SUCO: variants seen among roughly 807,000 people sequenced by gnomAD.
SUCO encodes SUN domain containing ossification factor, also known as SUN domain-containing ossification factor.
A neutral mutation model predicts 148.1 loss-of-function variants in SUCO; 57 were observed. The ratio of observed to expected loss-of-function variants is 0.38; its 90% CI spans 0.31 to 0.48. The LOEUF (loss-of-function observed/expected upper bound fraction) is 0.48, where lower values mean the gene tolerates loss of function less well. Among genes scored for constraint, SUCO ranks in the 20% least tolerant of loss-of-function variants. SUCO has a pLI of 0.96. For synonymous variants in SUCO, 470 were observed against 502.7 expected (o/e 0.93, Z 0.87); for missense variants, 1,331 against 1,468.2 (o/e 0.91, Z 1.53).
intron 19 of SUCO, among the ~76,000 whole-genome samples, chr1:172,592,778 A>G (rs1277800498): frequency 6.6e-6 from 1 of 152,134 alleles, no homozygotes; most frequent in East Asian, 1.9e-4. Flanking sequence ...TTGGTTCCTT[A>G]TGAACTTTAA....
intron 15 of SUCO, among the ~76,000 whole-genome samples, chr1:172,584,592 G>C (rs1156996705): frequency 1.3e-5 from 2 of 152,132 alleles, no homozygotes; most frequent in Non-Finnish European, 2.9e-5. Context: ...GGGCAACACA[G>C]TGAAACCCTG....
At chr1:172,567,738 TG>T (rs1654658238) in intron 6 of SUCO, among the ~76,000 whole-genome samples, 1 of 152,124 alleles carries the variant, frequency 6.6e-6, no homozygotes, top group African/African-American at 2.4e-5. Flanking sequence ...ATACATGGGG[TG>T]TATTTAGGGA....
At position 172,611,389 on chromosome 1, in the gene SUCO, G is replaced by A. The variant is rs968878194; in HGVS notation, c.*1130G>A. 6.6e-6 allele frequency: 1 copy of A among 152,546 alleles called. No individual in the cohort carries two copies. The highest frequency in any genetic ancestry group is 2.4e-5 in the African/African-American group (1 of 41,420). The allele number at this position is 152,546 out of a possible 1,614,324, so 9.4% of individuals were successfully genotyped here. On this transcript the variant is annotated 3_prime_UTR_variant, in exon 24 of 24. Coordinates refer to ENST00000263688, the MANE Select transcript of SUCO (RefSeq NM_014283.5). ...AATAAAATGATTTCTTAGTATGATTGTACAGTAATGAATGAAAGTGGAACA... is the reference window on the plus strand; with the variant it reads ...AATAAAATGATTTCTTAGTATGATTATACAGTAATGAATGAAAGTGGAACA...
chr1:172,562,347 T>C (rs565376091), intron 6 of SUCO, among the ~76,000 whole-genome samples: 21 of 150,392 alleles, frequency 1.4e-4, no homozygotes, highest in Non-Finnish European at 2.7e-4. Context: ...TTTTTTTTTT[T>C]ATTTTGAGAT....
At chr1:172,578,126 T>G (rs1402496055) in intron 13 of SUCO, among the ~76,000 whole-genome samples, 172 bp from the exon 14 acceptor site, 1 of 151,968 alleles carries the variant, frequency 6.6e-6, no homozygotes, top group African/African-American at 2.4e-5. Flanking sequence ...TAGTTTTACA[T>G]TTTAATTGAA....
chr1:172,582,299 T>C (rs1655930868), intron 15 of SUCO, among the ~76,000 whole-genome samples: 1 of 152,164 alleles, frequency 6.6e-6, no homozygotes, highest in Non-Finnish European at 1.5e-5. Context: ...GCTTCAGAGA[T>C]AGTACACATA....
chr1:172,532,910 C>T (rs572910666), upstream of SUCO: 7 of 1,404,716 alleles, frequency 5.0e-6, no homozygotes, highest in South Asian at 1.0e-4. Flanking sequence ...AGAGCATCTG[C>T]TCCTGCGCTT....
At chr1:172,540,821 T>G (rs1398648180) in intron 1 of SUCO, among the ~76,000 whole-genome samples, 1 of 152,096 alleles carries the variant, frequency 6.6e-6, no homozygotes, top group Non-Finnish European at 1.5e-5. Flanking sequence ...AAGAGAGTTA[T>G]GAATGGAAGA....
chr1:172,584,576 C>T (rs1656101977), intron 15 of SUCO, among the ~76,000 whole-genome samples: 1 of 152,126 alleles, frequency 6.6e-6, no homozygotes, highest in Non-Finnish European at 1.5e-5. Context: ...AGTTTGAGAG[C>T]AGCCTGGGCA....
rs773986814 is a variant in SUCO at position 172,589,590 on chromosome 1, C to T, written c.2489C>T (p.Thr830Ile). 5.0e-6 allele frequency: 8 copies of T among 1,613,674 alleles called. No individual in the cohort carries two copies. In the Admixed American group the frequency reaches 8.3e-5, roughly 17 times the overall value. The change falls in exon 18 of 24, where the codon ACA becomes ATA. Residue 830 changes from threonine to isoleucine, a missense_variant. Coordinates refer to ENST00000263688, the MANE Select transcript of SUCO (RefSeq NM_014283.5). ...LSETIVPPINTATVPDNEDGE... is the reference protein window; with the variant it reads ...LSETIVPPINIATVPDNEDGE... ...GAAACAATAGTGCCACCAATAAATA[C>T]AGCCACTGTACCCGACAATGAAGAT...
upstream of SUCO, chr1:172,532,706 T>C (rs367852764): frequency 1.9e-6 from 3 of 1,613,786 alleles, no homozygotes; most frequent in East Asian, 2.2e-5. Context: ...CCATGGATTC[T>C]AGGAGGGACT....
intron 19 of SUCO, among the ~76,000 whole-genome samples, chr1:172,597,543 G>T (rs1014580823): frequency 6.6e-6 from 1 of 152,018 alleles, no homozygotes; most frequent in Non-Finnish European, 1.5e-5. Flanking sequence ...TTTTAATGTA[G>T]ATAATCTTAT....
chr1:172,609,262 AT>A (rs1240200243), intron 23 of SUCO: 1 of 984,584 alleles, frequency 1.0e-6, no homozygotes, highest in Non-Finnish European at 1.2e-6. Flanking sequence ...TGTACTTAGG[AT>A]TTTTTGGCTT....
At chr1:172,579,752 A>G (rs141252494) in intron 15 of SUCO, among the ~76,000 whole-genome samples, 1,824 of 152,246 alleles carry the variant, frequency 0.012, 10 homozygotes, top group Admixed American at 0.021. Flanking sequence ...TTGTTATTCC[A>G]AAGTCGAATC....
intron 1 of SUCO, among the ~76,000 whole-genome samples, chr1:172,538,450 T>G (rs576650189): frequency 6.6e-6 from 1 of 152,270 alleles, no homozygotes; most frequent in South Asian, 2.1e-4. Flanking sequence ...ATATAAGCTG[T>G]TTTTTCTTTT....
intron 1 of SUCO, among the ~76,000 whole-genome samples, chr1:172,549,839 A>G (rs994274455): frequency 6.6e-6 from 1 of 151,756 alleles, no homozygotes; most frequent in Non-Finnish European, 1.5e-5. Context: ...GTAGGTTGCC[A>G]CAACAAGAAA....
At chr1:172,593,715 G>A (rs1043783320) in intron 19 of SUCO, among the ~76,000 whole-genome samples, 3 of 152,156 alleles carry the variant, frequency 2.0e-5, no homozygotes, top group Non-Finnish European at 4.4e-5. Context: ...ATGTTCATCA[G>A]GGATATTGGT....
chr1:172,600,113 A>G lies in SUCO; in HGVS notation c.2963A>G (p.Asn988Ser), dbSNP rs1424071110. 1.9e-6 allele frequency: 3 copies of G among 1,611,612 alleles called. No homozygotes were observed. Among genetic ancestry groups the G allele is most frequent in the Non-Finnish European group, 2.5e-6 (3 of 1,179,614 alleles). Residue 988 changes from asparagine (N) to serine (S), a missense_variant, in exon 20 of 24, where the codon AAC becomes AGC. Physicochemically the swap from Asn to Ser is conservative, Grantham distance 46. Transcript: ENST00000263688. ...CAGTTGCTACAGGCACAGCTGACCAACATGACACAGCTTGTTTCAAATTTA... is the reference window on the plus strand; with the variant it reads ...CAGTTGCTACAGGCACAGCTGACCAGCATGACACAGCTTGTTTCAAATTTA... ...AIQLLQAQLT[N>S]MTQLVSNLSA...
rs754137382 is a variant in SUCO, at chr1:172,586,973, G to A, written c.1658+1025G>A. 6.6e-5 allele frequency among the ~76,000 whole-genome samples: 10 copies of A among 152,078 alleles called. 1 individual carries two copies. The highest frequency in any genetic ancestry group is 1.3e-4 in the Admixed American group (2 of 15,274). The stretch of plus-strand genomic sequence containing the variant: ...CATTCTTGGTGTTTCTAATTATGTG[G>A]AGCTGTGATTGCTGTTCCTGATTTT... On this transcript the variant is annotated intron_variant, in intron 17 of 23. Transcript: ENST00000263688.
Sources: allele counts gnomAD v4.1 joint callset (sites outside exome capture counted in the v4.1 genomes callset), GRCh38; gene constraint gnomAD v4.1.1; transcripts MANE v1.5; gene names NCBI Gene and HGNC (gene_info 2026-07-23, HGNC 2026-07-21).